The following GALNT18 variants were observed in gnomAD, a reference collection of about 807,000 sequenced individuals.
GALNT18 encodes polypeptide N-acetylgalactosaminyltransferase 18.
GALNT18 carries 44 observed loss-of-function variants against 69.5 expected under a neutral mutation model. The observed-to-expected ratio is 0.63, with a 90% CI of 0.50 to 0.81. The LOEUF is 0.81. Among genes scored for constraint, GALNT18 ranks in the 40% least tolerant of loss-of-function variants. The probability of loss-of-function intolerance (pLI) is 0.00; values close to 1 mark genes in which losing one functional copy is unlikely to be tolerated. For missense variants in GALNT18, 715 were observed against 810.0 expected (o/e 0.88, Z 1.42); for synonymous variants, 364 against 318.2 (o/e 1.14, Z -1.53).
rs1849831249 is a variant in GALNT18 at position 11,320,999 on chromosome 11, T to G, written c.1512+6087A>C. On this transcript the variant is annotated intron_variant, in intron 9 of 10. Transcript: ENST00000227756. This position sits in a 1 kb window ranked among gnomAD's most constrained non-coding sequence, Gnocchi z 4.9. ...ACAGCCCAGCTGCATGAGTGTTCTG[T>G]GGCTTTGGGGGATGAGGAAGGGAGA... is the stretch of plus-strand genomic sequence containing the variant. 6.6e-6 allele frequency among the ~76,000 whole-genome samples: 1 copy of G among 152,202 alleles called. No homozygotes were observed.
rs538974095 is a variant in GALNT18, at chr11:11,274,829, T to C, written c.1678-3539A>G. Among the ~76,000 whole-genome samples the C allele has an allele frequency of 8.5e-5, 13 of 152,326 alleles. No homozygotes were observed. The South Asian group carries it at 1.2e-3, about 15-fold the overall frequency. ...GGTTTTCTGTTCTTTGCTGTTCTTA[T>C]GATAGTTTGCTGAGGATGATGGTTT... On this transcript the variant is annotated intron_variant, in intron 10 of 10. Coordinates refer to ENST00000227756, the MANE Select transcript of GALNT18 (RefSeq NM_198516.3).
intron 1 of GALNT18, among the ~76,000 whole-genome samples, chr11:11,545,695 G>T (rs767007403): frequency 1.3e-5 from 2 of 152,216 alleles, no homozygotes; most frequent in African/African-American, 4.8e-5. Context: ...TTAGCAGCTG[G>T]AGTGCATGTG....
intron 1 of GALNT18, among the ~76,000 whole-genome samples, chr11:11,550,484 A>G (rs1858162439): frequency 6.6e-6 from 1 of 152,214 alleles, no homozygotes. Flanking sequence ...ATTGTCACAC[A>G]GGGCTCTTCT....
chr11:11,305,353 C>T (rs1249245665), intron 9 of GALNT18, among the ~76,000 whole-genome samples: 1 of 152,184 alleles, frequency 6.6e-6, no homozygotes, highest in Admixed American at 6.5e-5. Flanking sequence ...TGAGGTCATA[C>T]ATTACTGGAG....
intron 1 of GALNT18, among the ~76,000 whole-genome samples, chr11:11,492,099 G>A (rs772074821): frequency 6.6e-6 from 1 of 151,986 alleles, no homozygotes; most frequent in Non-Finnish European, 1.5e-5. Flanking sequence ...AAGAAAAAAG[G>A]AAAAAAAACT....
rs995093458 is a variant in GALNT18, at chr11:11,480,973, A to C, written c.236-32037T>G. ...CTGGGGAGCCCTTCTTTGTGGACAC[A>C]TCCCAGGACTGATGTGCCATAGGAA... On this transcript the variant is annotated intron_variant, in intron 1 of 10. Coordinates refer to ENST00000227756, the MANE Select transcript of GALNT18 (RefSeq NM_198516.3). The surrounding 1 kb of genome is among the most constrained non-coding windows in gnomAD (Gnocchi z 4.6). 6.6e-5 allele frequency among the ~76,000 whole-genome samples: 10 copies of C among 152,282 alleles called. No individual in the cohort carries two copies. The highest frequency in any genetic ancestry group is 5.8e-4 in the East Asian group (3 of 5,186).
intron 1 of GALNT18, among the ~76,000 whole-genome samples, chr11:11,545,222 C>T (rs1858020813): frequency 1.3e-5 from 2 of 152,248 alleles, no homozygotes; most frequent in Admixed American, 1.3e-4. Flanking sequence ...ACAGCTTCTG[C>T]TTTTTCCAAC....
chr11:11,528,504 T>A (rs868536637), intron 1 of GALNT18, among the ~76,000 whole-genome samples: 4 of 152,154 alleles, frequency 2.6e-5, no homozygotes, highest in Non-Finnish European at 5.9e-5. Context: ...GTGAGCTGAA[T>A]TTGGCCTTTA....
chr11:11,460,731 A>G (rs1856022435), intron 1 of GALNT18, among the ~76,000 whole-genome samples: 1 of 151,914 alleles, frequency 6.6e-6, no homozygotes, highest in Admixed American at 6.6e-5. Flanking sequence ...GCTTCCTGCT[A>G]CTGTTCTTTG....
chr11:11,519,314 G>A (rs4520594), intron 1 of GALNT18, among the ~76,000 whole-genome samples: 31,100 of 152,148 alleles, frequency 0.2, 3,775 homozygotes, highest in Non-Finnish European at 0.25. Context: ...CAAAAGGGGG[G>A]AGCCATTACC....
intron 10 of GALNT18, among the ~76,000 whole-genome samples, chr11:11,288,960 T>C (rs2132998514): frequency 6.6e-6 from 1 of 152,260 alleles, no homozygotes; most frequent in East Asian, 1.9e-4. Context: ...AAATAGTGCA[T>C]AATGTGAAAC....
chr11:11,431,364 C>T (rs965378852), intron 3 of GALNT18, among the ~76,000 whole-genome samples: 13 of 152,114 alleles, frequency 8.5e-5, no homozygotes, highest in African/African-American at 1.9e-4. Flanking sequence ...TTTTCTTAGG[C>T]GCCCGTTTTT....
intron 10 of GALNT18, among the ~76,000 whole-genome samples, chr11:11,280,254 C>CCT (rs1283306608): frequency 6.6e-6 from 1 of 152,168 alleles, no homozygotes; most frequent in Non-Finnish European, 1.5e-5. Flanking sequence ...CAGGGAGAAA[C>CCT]CTGCAGGCTC....
chr11:11,318,588 A>G lies in GALNT18; in HGVS notation c.1512+8498T>C, dbSNP rs898648911. 4.6e-5 allele frequency among the ~76,000 whole-genome samples: 7 copies of G among 152,178 alleles called. No homozygotes were observed. Among genetic ancestry groups the G allele is most frequent in the African/African-American group, 1.7e-4 (7 of 41,436 alleles). ...TGAGACAGTAATTTTCTGTCGTTTA[A>G]GTCTCGCAGCTTGTGGTACTTTGTT... On this transcript the variant is annotated intron_variant, in intron 9 of 10. Coordinates refer to ENST00000227756, the MANE Select transcript of GALNT18 (RefSeq NM_198516.3). This position sits in a 1 kb window ranked among gnomAD's most constrained non-coding sequence, Gnocchi z 5.1.
In GALNT18 at chr11:11,326,947, A is replaced by G. The variant is rs189021282; in HGVS notation, c.1512+139T>C. The G allele has an allele frequency of 1.6e-3, 1,001 of 632,836 alleles. 5 individuals carry two copies. The highest frequency in any genetic ancestry group is 2.2e-3 in the Non-Finnish European group (791 of 358,724). 39.2% of individuals were successfully genotyped at this position (632,836 alleles called of 1,614,324 possible). On this transcript the variant is annotated intron_variant, in intron 9 of 10. Transcript: ENST00000227756. The stretch of plus-strand genomic sequence containing the variant: ...AGCTCATGAGGATGTGCCCTAATGA[A>G]AAGCCCCAGAGGCCCCTGGTCCCAG...
At position 11,383,620 on chromosome 11, in the gene GALNT18, C is replaced by T. The variant is rs994368164; in HGVS notation, c.596-4356G>A. Among the ~76,000 whole-genome samples the T allele has an allele frequency of 1.4e-5, 2 of 143,482 alleles. No homozygotes were observed. Among genetic ancestry groups the T allele is most frequent in the Non-Finnish European group, 3.1e-5 (2 of 64,590 alleles). The allele number at this position is 143,482 out of a possible 152,430, so 94.1% of individuals were successfully genotyped here. A position where few individuals can be genotyped will look rare whatever the true frequency, so the allele number is the denominator to read the frequency against. On this transcript the variant is annotated intron_variant, in intron 3 of 10. Transcript: ENST00000227756. The surrounding 1 kb of genome is among the most constrained non-coding windows in gnomAD (Gnocchi z 5.2). Reference sequence around the variant, plus strand: ...CATAGAAATGAAGTGAGAGTTCACCCATTCATTCATTCATTCATTCAACAA... The same window carrying T: ...CATAGAAATGAAGTGAGAGTTCACCTATTCATTCATTCATTCATTCAACAA...
In GALNT18 at chr11:11,404,331, G is replaced by A. The variant is rs568890070; in HGVS notation, c.596-25067C>T. ...ATCTGTGAATAGGGGTAAGACAAGC[G>A]GGTATATTAGTTGGATTCAACTTCG... is the stretch of plus-strand genomic sequence containing the variant. On this transcript the variant is annotated intron_variant, in intron 3 of 10. Transcript: ENST00000227756. The surrounding 1 kb of genome is among the most constrained non-coding windows in gnomAD (Gnocchi z 4.5). 1.3e-5 allele frequency among the ~76,000 whole-genome samples: 2 copies of A among 152,312 alleles called. No individual in the cohort carries two copies. The highest frequency in any genetic ancestry group is 2.1e-4 in the South Asian group (1 of 4,828).
intron 9 of GALNT18, among the ~76,000 whole-genome samples, chr11:11,319,289 T>C (rs1284761610): frequency 1.3e-5 from 2 of 152,216 alleles, no homozygotes; most frequent in Non-Finnish European, 2.9e-5. Context: ...TTGCCCCATA[T>C]GCAATGCTCA....
chr11:11,425,414 C>G (rs1855105772), intron 3 of GALNT18, among the ~76,000 whole-genome samples: 2 of 152,316 alleles, frequency 1.3e-5, no homozygotes, highest in East Asian at 1.9e-4. Flanking sequence ...GCACTGCCAA[C>G]CCAGAGCAGA....
Sources: gnomAD v4.1 joint callset for allele counts (sites outside exome capture counted in the v4.1 genomes callset) on GRCh38, gnomAD v4.1.1 for gene constraint, Gnocchi (gnomAD v3.1) non-coding constraint, MANE v1.5 for transcripts, NCBI Gene and HGNC (gene_info 2026-07-23, HGNC 2026-07-21) for gene names.